The following SLIT3 variants were observed in gnomAD, a reference collection of about 807,000 sequenced individuals.
The protein encoded by SLIT3 is slit homolog 3 protein.
A neutral mutation model predicts 184.0 loss-of-function variants in SLIT3; 68 were observed. The ratio of observed to expected loss-of-function variants is 0.37; its 90% CI spans 0.30 to 0.45. The LOEUF is 0.45. SLIT3 is among the 20% of genes least tolerant of loss of function. SLIT3 has a pLI of 1.00. For missense variants in SLIT3, 1,707 were observed against 2,026.0 expected, an observed-to-expected ratio of 0.84 and a Z score of 3.02; for synonymous variants, 831 against 828.6, an observed-to-expected ratio of 1.00 and a Z score of -0.05.
At chr5:169,068,689 A>G (rs1430865488) in intron 4 of SLIT3, among the ~76,000 whole-genome samples, 1 of 152,180 alleles carries the variant, frequency 6.6e-6, no homozygotes, top group African/African-American at 2.4e-5. Context: ...AACCCCCAGC[A>G]AGTTTCAGGA....
At chr5:169,049,341 G>A (rs528695897) in intron 4 of SLIT3, among the ~76,000 whole-genome samples, 1 of 152,246 alleles carries the variant, frequency 6.6e-6, no homozygotes, top group South Asian at 2.1e-4. Flanking sequence ...GAGGTCTCGG[G>A]GCTTTGACAG....
At chr5:168,890,963 C>A (rs914886606) in intron 4 of SLIT3, among the ~76,000 whole-genome samples, 1 of 152,198 alleles carries the variant, frequency 6.6e-6, no homozygotes, top group Non-Finnish European at 1.5e-5. Context: ...CCCGGTTCTG[C>A]TACTCAACAT....
intron 3 of SLIT3, among the ~76,000 whole-genome samples, chr5:169,201,211 C>G (rs17735429): frequency 0.22 from 33,376 of 152,042 alleles, 4,282 homozygotes; most frequent in East Asian, 0.54. Context: ...TTTGTAAGTT[C>G]TGAAAGTCCT....
At position 169,089,922 on chromosome 5, in the gene SLIT3, T is replaced by G. The variant is rs369955369; in HGVS notation, c.413+103557A>C. 2.0e-4 allele frequency among the ~76,000 whole-genome samples: 30 copies of G among 152,286 alleles called. 1 individual carries two copies. Among genetic ancestry groups the G allele is most frequent in the African/African-American group, 7.0e-4 (29 of 41,538 alleles). On this transcript the variant is annotated intron_variant, in intron 4 of 35. Transcript: ENST00000519560. ...TCCTTCCTACCCTAGGCTACATCCT[T>G]GAATCTCAGCTTGGACTTGGTATCA... is the stretch of plus-strand genomic sequence containing the variant.
chr5:169,198,735 C>T (rs986885748), intron 3 of SLIT3, among the ~76,000 whole-genome samples: 1 of 152,030 alleles, frequency 6.6e-6, no homozygotes, highest in African/African-American at 2.4e-5. Context: ...AGCTCGAGAC[C>T]AGCCTGGCCA....
intron 4 of SLIT3, among the ~76,000 whole-genome samples, chr5:169,020,995 A>G (rs1756576731): frequency 6.6e-6 from 1 of 152,170 alleles, no homozygotes; most frequent in Non-Finnish European, 1.5e-5. Flanking sequence ...AAGACTATGA[A>G]GTAGGGAGGA....
chr5:168,873,420 A>G (rs979708491), intron 5 of SLIT3, among the ~76,000 whole-genome samples: 1 of 151,578 alleles, frequency 6.6e-6, no homozygotes, highest in Non-Finnish European at 1.5e-5. Flanking sequence ...ACTTGAACCC[A>G]GTAGTTCAAG....
intron 4 of SLIT3, among the ~76,000 whole-genome samples, chr5:168,950,993 G>A (rs1431199847): frequency 6.6e-6 from 1 of 152,318 alleles, no homozygotes; most frequent in East Asian, 1.9e-4. Flanking sequence ...GGCCAAGGCT[G>A]GTGGATTACT....
chr5:168,759,686 T>G (rs944788628), intron 16 of SLIT3, among the ~76,000 whole-genome samples: 1 of 152,202 alleles, frequency 6.6e-6, no homozygotes, highest in African/African-American at 2.4e-5. Flanking sequence ...GTTTTTGTTT[T>G]GGTTTTTGTT....
chr5:168,731,817 T>C (rs1431137066), intron 20 of SLIT3, among the ~76,000 whole-genome samples: 3 of 152,038 alleles, frequency 2.0e-5, no homozygotes, highest in Non-Finnish European at 2.9e-5. Context: ...ATAAAGGCTA[T>C]ATACAACAAA....
intron 5 of SLIT3, among the ~76,000 whole-genome samples, chr5:168,876,422 C>T (rs1428836237): frequency 3.9e-5 from 6 of 152,152 alleles, no homozygotes; most frequent in African/African-American, 1.4e-4. Flanking sequence ...GTTCTAGGTC[C>T]TACCTTCCTG....
chr5:169,007,160 T>C (rs34635447), intron 4 of SLIT3, among the ~76,000 whole-genome samples: 1,793 of 152,302 alleles, frequency 0.012, 22 homozygotes, highest in Middle Eastern at 0.037. Context: ...TGCCACCTTG[T>C]GAAGAAGGTC....
At chr5:168,732,881 GA>G (rs1319144186) in intron 20 of SLIT3, among the ~76,000 whole-genome samples, 1 of 152,062 alleles carries the variant, frequency 6.6e-6, no homozygotes, top group Non-Finnish European at 1.5e-5. Context: ...GAAAACCTAG[GA>G]AAAACTCTTT....
chr5:169,140,308 C>CAAAAAAA (rs10536624), intron 4 of SLIT3, among the ~76,000 whole-genome samples: 1 of 42,054 alleles, frequency 2.4e-5, no homozygotes, highest in Non-Finnish European at 4.5e-5. Flanking sequence ...ACTAAAAATG[C>CAAAAAAA]AAAAAAAAAA....
chr5:169,120,142 C>G (rs73802483), intron 4 of SLIT3: 148 of 152,266 alleles, frequency 9.7e-4, no homozygotes, highest in African/African-American at 3.3e-3. Context: ...TAAAATTAGA[C>G]TTAATTTGAT....
At chr5:168,704,897 G>T (rs535250083) in intron 26 of SLIT3, among the ~76,000 whole-genome samples, 1 of 152,266 alleles carries the variant, frequency 6.6e-6, no homozygotes, top group East Asian at 1.9e-4. Context: ...GTTTGGGCGG[G>T]CTCTAACCCC....
intron 13 of SLIT3, 99 bp downstream of exon 13, chr5:168,774,136 G>A (rs867690795): frequency 3.4e-5 from 40 of 1,190,674 alleles, no homozygotes; most frequent in Middle Eastern, 4.2e-4. Context: ...ACTCCTCCTG[G>A]ATGTGCTCGT....
chr5:168,801,342 C>T (rs1756759834), intron 9 of SLIT3, among the ~76,000 whole-genome samples: 1 of 152,090 alleles, frequency 6.6e-6, no homozygotes, highest in Admixed American at 6.6e-5. Flanking sequence ...CTTTTAAACC[C>T]CCTGGTGGCT....
rs1409144739 is a variant in SLIT3 at position 168,704,646 on chromosome 5, G to A, written c.2844+3330C>T. Among the ~76,000 whole-genome samples the A allele has an allele frequency of 2.0e-5, 3 of 152,206 alleles. 1 individual carries two copies. Among genetic ancestry groups the A allele is most frequent in the Non-Finnish European group, 4.4e-5 (3 of 68,036 alleles). ...GATTAAGAGTACTACAAGAGATAAT[G>A]TGTTTAAACTGCTTCACAAAGGCCT... is the stretch of plus-strand genomic sequence containing the variant. On this transcript the variant is annotated intron_variant, in intron 26 of 35. Transcript: ENST00000519560.
Sources: gnomAD v4.1 joint callset for allele counts (sites outside exome capture counted in the v4.1 genomes callset) on GRCh38, gnomAD v4.1.1 for gene constraint, MANE v1.5 for transcripts, NCBI Gene and HGNC (gene_info 2026-07-23, HGNC 2026-07-21) for gene names.